Variants in FBXL18 observed in about 807,000 individuals in gnomAD.
FBXL18 encodes the protein F-box/LRR-repeat protein 18.
FBXL18 carries 36 observed loss-of-function variants against 46.0 expected under a neutral mutation model. The observed-to-expected ratio is 0.78, with a 90% CI of 0.60 to 1.03. The LOEUF (loss-of-function observed/expected upper bound fraction) is 1.03. FBXL18 is among the 50% of genes least tolerant of loss of function. The pLI is 0.00. For synonymous variants in FBXL18, 557 were observed against 465.3 expected (o/e 1.20, Z -2.54); for missense variants, 977 against 1,004.1 (o/e 0.97, Z 0.36).
At chr7:5,461,474 C>T (rs1003442270) in intron 4 of FBXL18, among the ~76,000 whole-genome samples, 17 of 152,166 alleles carry the variant, frequency 1.1e-4, no homozygotes, top group East Asian at 3.8e-4. Context: ...AATTACAAGA[C>T]GCCATCCCTA....
At chr7:5,462,347 G>C (rs970322377) in intron 4 of FBXL18, among the ~76,000 whole-genome samples, 1 of 152,224 alleles carries the variant, frequency 6.6e-6, no homozygotes, top group Non-Finnish European at 1.5e-5. Flanking sequence ...GGCCGGTACA[G>C]GAAGCCAGGC....
intron 4 of FBXL18, among the ~76,000 whole-genome samples, chr7:5,486,835 A>C (rs1003243072): frequency 1.3e-5 from 2 of 152,200 alleles, no homozygotes; most frequent in African/African-American, 4.8e-5. Flanking sequence ...TGAGACACAG[A>C]GAGACGGTTG....
At chr7:5,509,902 G>A (rs1262977394) in intron 1 of FBXL18, among the ~76,000 whole-genome samples, 1 of 151,980 alleles carries the variant, frequency 6.6e-6, no homozygotes, top group African/African-American at 2.4e-5. Flanking sequence ...CAGCTGCTGG[G>A]CGGGCGAGTT....
chr7:5,506,417 G>A (rs1295157508), intron 1 of FBXL18, among the ~76,000 whole-genome samples: 1 of 151,404 alleles, frequency 6.6e-6, no homozygotes, highest in African/African-American at 2.4e-5. Flanking sequence ...CCCACGCCCG[G>A]CTAATTTTTG....
rs1562699762 is a variant in FBXL18, at chr7:5,500,468, G to C, written c.1781+20C>G. 1 of 1,568,752 alleles carries C rather than the reference G, an allele frequency of 6.4e-7. No homozygotes were observed. The highest frequency in any genetic ancestry group is 1.8e-5 in the Admixed American group (1 of 54,952). On this transcript the variant is annotated intron_variant, in intron 3 of 4. Transcript: ENST00000382368. ...GCCAGCTTCCAGCAGAGGCCCGAGA[G>C]GTCCCCGCGGCCCCCTCACCTGAGG...
chr7:5,485,769 T>A (rs1584207692), intron 4 of FBXL18, among the ~76,000 whole-genome samples: 1 of 151,562 alleles, frequency 6.6e-6, no homozygotes, highest in Non-Finnish European at 1.5e-5. Context: ...TAGCCGGGTG[T>A]GGCCGGGCGC....
chr7:5,506,437 T>A (rs888872257), intron 1 of FBXL18, among the ~76,000 whole-genome samples: 6 of 151,754 alleles, frequency 4.0e-5, no homozygotes, highest in Admixed American at 1.3e-4. Flanking sequence ...GTATTTTTAG[T>A]AGAGACGGGG....
Position 5,512,333 on chromosome 7 carries a change from A to G in FBXL18, c.18+1324T>C, listed in dbSNP as rs530314362. ...AAAAAAAAAAAAAAAAGCAGAGTCC[A>G]GCTGGGTGCTGTGGCTCACGCCTGT... On this transcript the variant is annotated intron_variant, in intron 1 of 4. Transcript: ENST00000382368. Among the ~76,000 whole-genome samples, 126 of 140,636 alleles carry G rather than the reference A, an allele frequency of 9.0e-4. 1 individual carries two copies. Among genetic ancestry groups the G allele is most frequent in the African/African-American group, 3.3e-3 (123 of 37,292 alleles). The allele number at this position is 140,636 out of a possible 152,430, so 92.3% of individuals were successfully genotyped here.
chr7:5,512,423 TG>T (rs577056966), intron 1 of FBXL18, among the ~76,000 whole-genome samples: 3 of 151,780 alleles, frequency 2.0e-5, no homozygotes, highest in Non-Finnish European at 2.9e-5. Flanking sequence ...GAGAACAGCC[TG>T]GCCAACATGG....
At chr7:5,466,461 C>T (rs1783342232) in intron 4 of FBXL18, among the ~76,000 whole-genome samples, 1 of 152,154 alleles carries the variant, frequency 6.6e-6, no homozygotes, top group African/African-American at 2.4e-5. Flanking sequence ...GCGGCCTCTC[C>T]AGCACACAGA....
intron 4 of FBXL18, among the ~76,000 whole-genome samples, chr7:5,457,210 C>T (rs975325028): frequency 2.6e-5 from 4 of 152,214 alleles, no homozygotes; most frequent in South Asian, 2.1e-4. Context: ...CCACAAAATT[C>T]GATCTGTCCC....
At chr7:5,472,948 T>C (rs1318840923), downstream of FBXL18, among the ~76,000 whole-genome samples, 1 of 152,100 alleles carries the variant, frequency 6.6e-6, no homozygotes, top group Non-Finnish European at 1.5e-5. Context: ...AATGACAGTC[T>C]CACATGTTCC....
chr7:5,482,331 G>A (rs1421658207), intron 4 of FBXL18, among the ~76,000 whole-genome samples: 2 of 152,212 alleles, frequency 1.3e-5, no homozygotes, highest in Non-Finnish European at 2.9e-5. Flanking sequence ...CCAGGACAGA[G>A]AGAAGGGACA....
Position 5,496,481 on chromosome 7 carries a change from G to GCTAAAGA in FBXL18, c.1781+4006_1781+4007insTCTTTAG, listed in dbSNP as rs1784084550. Among the ~76,000 whole-genome samples, 1 of 152,086 alleles carries GCTAAAGA rather than the reference G, an allele frequency of 6.6e-6. No individual in the cohort carries two copies. Among genetic ancestry groups the GCTAAAGA allele is most frequent in the Non-Finnish European group, 1.5e-5 (1 of 68,028 alleles). On this transcript the variant is annotated intron_variant, in intron 3 of 4. Coordinates refer to ENST00000382368, the MANE Select transcript of FBXL18 (RefSeq NM_024963.6). This position sits in a 1 kb window ranked among gnomAD's most constrained non-coding sequence, Gnocchi z 4.8. ...GTGGGCTCACCTGGATCCATAGGTG[G>GCTAAAGA]CTAAAGGCCACCTATGAGCTGAGGA... is the stretch of plus-strand genomic sequence containing the variant.
chr7:5,488,827 G>A (rs1271002370), intron 4 of FBXL18, among the ~76,000 whole-genome samples: 1 of 152,330 alleles, frequency 6.6e-6, no homozygotes, highest in East Asian at 1.9e-4. Context: ...TAGCCTCTCG[G>A]TACCACAGCC....
At chr7:5,489,168 G>A in intron 4 of FBXL18, 1 of 486,634 alleles carries the variant, frequency 2.1e-6, no homozygotes, top group South Asian at 1.5e-5. Context: ...AGAGCCGTGA[G>A]GACAGCACTG....
chr7:5,503,065 C>T (rs1324812684), intron 2 of FBXL18, among the ~76,000 whole-genome samples: 2 of 152,342 alleles, frequency 1.3e-5, no homozygotes, highest in East Asian at 1.9e-4. Context: ...ACTGTCCACA[C>T]GGGGAAATGT....
At chr7:5,500,351 G>A (rs764707307) in intron 3 of FBXL18, 137 bp downstream of exon 3, 40 of 747,472 alleles carry the variant, frequency 5.4e-5, no homozygotes, top group South Asian at 1.1e-4. Flanking sequence ...CCCCGAGACC[G>A]ACGTGGCACG....
In FBXL18 at chr7:5,500,820, G is replaced by A. The variant is rs1264097497; in HGVS notation, c.1449C>T (p.Pro483=). The A allele has an allele frequency of 1.9e-6, 3 of 1,612,442 alleles. No individual in the cohort carries two copies. In the South Asian group the frequency reaches 3.3e-5, roughly 18 times the overall value. Residue 483 remains proline, a synonymous_variant, in exon 3 of 5, where the codon CCC becomes CCT. Coordinates refer to ENST00000382368, the MANE Select transcript of FBXL18 (RefSeq NM_024963.6). The part of the protein sequence containing the change: ...SVFWSLLKNL[P]FLEHLELIGS... ...CAATCAGCTCGAGGTGTTCCAGGAA[G>A]GGCAGGTTCTTCAGCAGAGACCAGA... is the stretch of plus-strand genomic sequence containing the variant.
Sources: allele counts gnomAD v4.1 joint callset (sites outside exome capture counted in the v4.1 genomes callset), GRCh38; gene constraint gnomAD v4.1.1; non-coding constraint Gnocchi (gnomAD v3.1); transcripts MANE v1.5; gene names NCBI Gene and HGNC (gene_info 2026-07-23, HGNC 2026-07-21).